Variants in TUSC3 observed in about 807,000 individuals in gnomAD.
TUSC3 encodes tumor suppressor candidate 3.
In TUSC3, 45 loss-of-function variants were observed where a neutral mutation model predicts 44.8. That is an observed-to-expected ratio of 1.00 (90% confidence interval 0.79 to 1.29). The LOEUF is 1.29. TUSC3 is among the 50% of genes most tolerant of loss of function. The probability of loss-of-function intolerance (pLI) is 0.00; values close to 1 mark genes in which losing one functional copy is unlikely to be tolerated. For missense variants in TUSC3, 519 were observed against 437.9 expected (o/e 1.19, Z -1.65); for synonymous variants, 212 against 152.9 (o/e 1.39, Z -2.85).
intron 2 of TUSC3, among the ~76,000 whole-genome samples, chr8:15,484,190 A>G (rs1378388071): frequency 1.3e-5 from 2 of 151,778 alleles, no homozygotes; most frequent in Non-Finnish European, 2.9e-5. Flanking sequence ...GAGATTTTTA[A>G]TATTTACATG....
chr8:15,769,652 A>G (rs1448144015), downstream of TUSC3, among the ~76,000 whole-genome samples: 1 of 152,206 alleles, frequency 6.6e-6, no homozygotes, highest in Non-Finnish European at 1.5e-5. Context: ...AACCTACAGA[A>G]TGGGAAAAAA....
At chr8:15,483,288 A>G (rs1009893429) in intron 1 of TUSC3, 23 of 191,804 alleles carry the variant, frequency 1.2e-4, no homozygotes, top group Admixed American at 2.1e-4. Context: ...AAAATCCTCT[A>G]AGATGAAGAA....
chr8:15,658,367 A>C (rs942541370), intron 3 of TUSC3, among the ~76,000 whole-genome samples: 3 of 152,106 alleles, frequency 2.0e-5, no homozygotes, highest in Non-Finnish European at 4.4e-5. Context: ...GTCAGAGTTC[A>C]TTTGTAGGGC....
intron 1 of TUSC3, among the ~76,000 whole-genome samples, chr8:15,478,193 G>C (rs1018828972): frequency 1.3e-5 from 2 of 152,044 alleles, no homozygotes; most frequent in African/African-American, 4.8e-5. Context: ...CTCAAAGTCC[G>C]GGCCTCAAGT....
chr8:15,504,809 T>G (rs569484436), intron 2 of TUSC3, among the ~76,000 whole-genome samples: 5 of 150,550 alleles, frequency 3.3e-5, no homozygotes, highest in Admixed American at 6.6e-5. Context: ...CCTGCCACCA[T>G]GCCCAGCTAA....
the TUSC3 span, among the ~76,000 whole-genome samples, chr8:15,810,714 C>T: frequency 0.28 from 42,816 of 152,014 alleles, 7,540 homozygotes; most frequent in African/African-American, 0.5. Context: ...AATTTTGAGA[C>T]GGCTGCCACA....
At chr8:15,815,438 T>G in the TUSC3 span, among the ~76,000 whole-genome samples, 1 of 152,084 alleles carries the variant, frequency 6.6e-6, no homozygotes, top group African/African-American at 2.4e-5. Context: ...TCTTAAGAAG[T>G]AGATGTGCTT....
chr8:15,608,061 G>A (rs540135296), intron 1 of TUSC3, among the ~76,000 whole-genome samples: 50 of 152,250 alleles, frequency 3.3e-4, no homozygotes, highest in African/African-American at 1.2e-3. Context: ...AAATGCCAGA[G>A]TAGTTTATTC....
the TUSC3 span, among the ~76,000 whole-genome samples, chr8:15,787,099 G>A: frequency 6.6e-6 from 1 of 152,002 alleles, no homozygotes; most frequent in South Asian, 2.1e-4. Flanking sequence ...CACTGCTTCT[G>A]TGAGTTAATT....
intron 1 of TUSC3, among the ~76,000 whole-genome samples, chr8:15,474,470 T>C (rs1800547951): frequency 6.6e-6 from 1 of 152,144 alleles, no homozygotes; most frequent in Non-Finnish European, 1.5e-5. Context: ...CTGCTGCAGC[T>C]CCAGTTGGTC....
chr8:15,623,930 C>G (rs985236262), intron 2 of TUSC3, among the ~76,000 whole-genome samples: 2 of 152,124 alleles, frequency 1.3e-5, no homozygotes, highest in African/African-American at 4.8e-5. Flanking sequence ...AGGGACACTT[C>G]TTGCCCTTTA....
rs542289261 is a variant in TUSC3, at chr8:15,743,814, T to C, written c.937+202T>C. Among the ~76,000 whole-genome samples the C allele has an allele frequency of 1.2e-4, 19 of 152,322 alleles. No individual in the cohort carries two copies. The South Asian group carries it at 3.9e-3, about 32-fold the overall frequency. ...TCTTCCAAAGGGGACTGGGTCGTTT[T>C]CTGTTGATTTGCTTATAAAGTGGAG... is the stretch of plus-strand genomic sequence containing the variant. On this transcript the variant is annotated intron_variant, in intron 8 of 10. Transcript: ENST00000503731.
chr8:15,508,549 C>T (rs1037350643), intron 2 of TUSC3, among the ~76,000 whole-genome samples: 1 of 148,088 alleles, frequency 6.8e-6, no homozygotes, highest in Non-Finnish European at 1.5e-5. Flanking sequence ...GCAAGCTCCG[C>T]CTCCCGGGTT....
the TUSC3 span, among the ~76,000 whole-genome samples, chr8:15,793,463 C>A: frequency 6.6e-6 from 1 of 151,694 alleles, no homozygotes; most frequent in Non-Finnish European, 1.5e-5. Flanking sequence ...CCCCAGTTAT[C>A]TACACAGCTC....
chr8:15,704,490 T>G (rs931407480), intron 6 of TUSC3, among the ~76,000 whole-genome samples: 5 of 152,078 alleles, frequency 3.3e-5, no homozygotes, highest in Non-Finnish European at 7.4e-5. Context: ...AGTGAGATAA[T>G]CTGACATTTT....
At chr8:15,582,932 A>G (rs961214231) in intron 1 of TUSC3, among the ~76,000 whole-genome samples, 4 of 152,208 alleles carry the variant, frequency 2.6e-5, no homozygotes, top group African/African-American at 7.2e-5. Flanking sequence ...CTCAGTCTGT[A>G]TATACCTCAA....
chr8:15,844,328 G>A, the TUSC3 span, among the ~76,000 whole-genome samples: 1 of 152,002 alleles, frequency 6.6e-6, no homozygotes, highest in Non-Finnish European at 1.5e-5. Context: ...TTGGGCACTG[G>A]GCTAGTTACT....
At chr8:15,680,842 A>T (rs62502117) in intron 6 of TUSC3, among the ~76,000 whole-genome samples, 5,079 of 152,066 alleles carry the variant, frequency 0.033, 125 homozygotes, top group Non-Finnish European at 0.051. Flanking sequence ...TTGTGATGAT[A>T]TGGTTTTGTT....
intron 6 of TUSC3, among the ~76,000 whole-genome samples, chr8:15,681,302 A>G (rs1808421642): frequency 6.6e-6 from 1 of 151,524 alleles, no homozygotes; most frequent in African/African-American, 2.4e-5. Context: ...CATCTGGTCC[A>G]GGGCTTTTTT....
Sources: gnomAD v4.1 joint callset for allele counts (sites outside exome capture counted in the v4.1 genomes callset) on GRCh38, gnomAD v4.1.1 for gene constraint, MANE v1.5 for transcripts, NCBI Gene and HGNC (gene_info 2026-07-23, HGNC 2026-07-21) for gene names.